DIPK1C: variants seen among roughly 807,000 people sequenced by gnomAD.
DIPK1C encodes the protein divergent protein kinase domain 1C, also known as familial non-conventional Alzheimer's dementia.
A neutral mutation model predicts 28.0 loss-of-function variants in DIPK1C; 33 were observed. The ratio of observed to expected loss-of-function variants is 1.18; its 90% CI spans 0.89 to 1.58. The LOEUF (loss-of-function observed/expected upper bound fraction) is 1.58, where lower values mean the gene tolerates loss of function less well. Ranked by LOEUF, DIPK1C falls within the 40% of genes most tolerant of loss-of-function variation. DIPK1C has a pLI of 0.00. For synonymous variants in DIPK1C, 255 were observed against 248.8 expected (o/e 1.02, Z -0.23); for missense variants, 569 against 568.5 (o/e 1.00, Z -0.01).
chr18:74,441,500 G>A (rs1326264489), intron 3 of DIPK1C, among the ~76,000 whole-genome samples: 1 of 152,158 alleles, frequency 6.6e-6, no homozygotes, highest in East Asian at 1.9e-4. Context: ...CTTTCTTCCT[G>A]TCTAAACCAC....
intron 3 of DIPK1C, among the ~76,000 whole-genome samples, chr18:74,441,725 A>G (rs1335819098): frequency 1.3e-5 from 2 of 152,076 alleles, no homozygotes; most frequent in Non-Finnish European, 2.9e-5. Context: ...CTCTGCAGGG[A>G]ACTCCCTCAT....
intron 3 of DIPK1C, among the ~76,000 whole-genome samples, chr18:74,441,259 A>G (rs9949663): frequency 0.8 from 122,359 of 152,096 alleles, 49,461 homozygotes; most frequent in East Asian, 0.99. Flanking sequence ...CAACCAGGCC[A>G]TGGGGAAGGT....
chr18:74,440,513 T>C (rs1986098771), intron 3 of DIPK1C, among the ~76,000 whole-genome samples: 1 of 152,246 alleles, frequency 6.6e-6, no homozygotes. Context: ...CTATTCCCAA[T>C]TGGTAAGTGA....
the DIPK1C span, among the ~76,000 whole-genome samples, chr18:74,464,103 C>T: frequency 6.6e-6 from 1 of 152,182 alleles, no homozygotes; most frequent in Non-Finnish European, 1.5e-5. Context: ...CTCAGCTCTC[C>T]GGATGCTGGT....
intron 1 of DIPK1C, among the ~76,000 whole-genome samples, chr18:74,452,974 G>GC (rs1029014493): frequency 6.6e-5 from 10 of 152,072 alleles, no homozygotes; most frequent in African/African-American, 2.4e-4. Flanking sequence ...AAAATAAACT[G>GC]AAAAAAACAA....
chr18:74,459,829 T>C (rs1382265704), upstream of DIPK1C, among the ~76,000 whole-genome samples: 1 of 152,094 alleles, frequency 6.6e-6, no homozygotes, highest in Non-Finnish European at 1.5e-5. Context: ...CCTCTTCCCC[T>C]CCTCCTTGCA....
chr18:74,444,459 C>T (rs1182754318), intron 2 of DIPK1C, among the ~76,000 whole-genome samples: 4 of 152,192 alleles, frequency 2.6e-5, no homozygotes, highest in East Asian at 1.9e-4. Flanking sequence ...ACCCACCCGC[C>T]GGGACTCTGA....
chr18:74,451,284 T>C (rs1324045678), intron 1 of DIPK1C, among the ~76,000 whole-genome samples: 2 of 152,182 alleles, frequency 1.3e-5, no homozygotes, highest in African/African-American at 4.8e-5. Context: ...CAGGCTGGGC[T>C]GCGCTATTCG....
At chr18:74,459,915 T>A (rs1986592006), upstream of DIPK1C, among the ~76,000 whole-genome samples, 1 of 152,066 alleles carries the variant, frequency 6.6e-6, no homozygotes, top group Admixed American at 6.5e-5. Context: ...GGGCTCCCGA[T>A]CCCTGGGCTG....
At chr18:74,437,085 T>C (rs981555868) in intron 3 of DIPK1C, among the ~76,000 whole-genome samples, 7 of 151,888 alleles carry the variant, frequency 4.6e-5, no homozygotes, top group Admixed American at 2.0e-4. Context: ...GCAGAAGGAG[T>C]TGGTCCTTTG....
upstream of DIPK1C, chr18:74,457,317 G>T (rs1189315882): frequency 3.1e-6 from 3 of 971,588 alleles, no homozygotes; most frequent in African/African-American, 1.8e-5. Context: ...TTCCGCACTC[G>T]CGTAGCTGCT....
At chr18:74,439,127 T>C (rs2144511277) in intron 3 of DIPK1C, among the ~76,000 whole-genome samples, 1 of 148,784 alleles carries the variant, frequency 6.7e-6, no homozygotes, top group Non-Finnish European at 1.5e-5. Context: ...TTTTTTTTTT[T>C]CTGAAAGATA....
chr18:74,440,008 A>G (rs1432543604), intron 3 of DIPK1C, among the ~76,000 whole-genome samples: 10 of 150,130 alleles, frequency 6.7e-5, no homozygotes, highest in South Asian at 2.1e-4. Flanking sequence ...GCAGTGATGC[A>G]ATCTCGGCTC....
At chr18:74,456,999 G>A in intron 1 of DIPK1C, 63 bp downstream of exon 1, 3 of 1,342,870 alleles carry the variant, frequency 2.2e-6, no homozygotes, top group Non-Finnish European at 2.9e-6. Flanking sequence ...CTGGGGACCG[G>A]GAGCGGGTGT....
chr18:74,440,007 C>CGG (rs1986084336), intron 3 of DIPK1C, among the ~76,000 whole-genome samples: 4 of 146,690 alleles, frequency 2.7e-5, no homozygotes, highest in Non-Finnish European at 4.4e-5. Context: ...TGCAGTGATG[C>CGG]AATCTCGGCT....
At chr18:74,445,736 C>G (rs188915723) in intron 2 of DIPK1C, among the ~76,000 whole-genome samples, 4 of 152,306 alleles carry the variant, frequency 2.6e-5, no homozygotes, top group Admixed American at 2.6e-4. Flanking sequence ...AGAATGAACT[C>G]GTTACAGCAG....
intron 2 of DIPK1C, among the ~76,000 whole-genome samples, chr18:74,445,841 C>T (rs953228951): frequency 1.3e-5 from 2 of 152,180 alleles, no homozygotes; most frequent in Non-Finnish European, 2.9e-5. Context: ...ATGGTCCCAG[C>T]GACTGGCACA....
intron 3 of DIPK1C, among the ~76,000 whole-genome samples, chr18:74,438,423 G>A (rs1454953235): frequency 3.3e-5 from 5 of 152,140 alleles, no homozygotes; most frequent in African/African-American, 1.2e-4. Context: ...CAAAGGGCAC[G>A]TGCATTTTTT....
At position 74,457,305 on chromosome 18, in the gene DIPK1C, A is replaced by T; in HGVS notation, c.-46T>A. On this transcript the variant is annotated 5_prime_UTR_variant, in exon 1 of 4. Transcript: ENST00000343998. ...GGGCCCCACCGCCGCCCGCGCCCCG[A>T]GTTCCGCACTCGCGTAGCTGCTCCG... 1 of 980,298 alleles carries T rather than the reference A, an allele frequency of 1.0e-6. No individual in the cohort carries two copies. 60.7% of individuals were successfully genotyped at this position (980,298 alleles called of 1,614,324 possible).
Sources: gnomAD v4.1 joint callset for allele counts (sites outside exome capture counted in the v4.1 genomes callset) on GRCh38, gnomAD v4.1.1 for gene constraint, MANE v1.5 for transcripts, NCBI Gene and HGNC (gene_info 2026-07-23, HGNC 2026-07-21) for gene names.